The following SMOC1 variants were observed in gnomAD, a reference collection of about 807,000 sequenced individuals.
SMOC1 encodes SPARC-related modular calcium-binding protein 1.
In SMOC1, 22 loss-of-function variants were observed where a neutral mutation model predicts 56.3. The observed-to-expected ratio is 0.39, with a 90% CI of 0.28 to 0.56. The LOEUF is 0.56. Among genes scored for constraint, SMOC1 ranks in the 20% least tolerant of loss-of-function variants. The pLI is 0.61. For missense variants in SMOC1, 509 were observed against 565.4 expected, an observed-to-expected ratio of 0.90 and a Z score of 1.01; for synonymous variants, 193 against 215.0, an observed-to-expected ratio of 0.90 and a Z score of 0.89.
chr14:70,020,620 C>T (rs545814800), intron 10 of SMOC1, among the ~76,000 whole-genome samples: 7 of 152,242 alleles, frequency 4.6e-5, no homozygotes, highest in Admixed American at 3.9e-4. Flanking sequence ...GAATGCTGCA[C>T]ATCTCAGCCC....
At chr14:69,983,654 C>G (rs1380433) in intron 5 of SMOC1, among the ~76,000 whole-genome samples, 14,434 of 152,258 alleles carry the variant, frequency 0.095, 1,335 homozygotes, top group African/African-American at 0.24. Flanking sequence ...AAGCCCTCTG[C>G]CAGGTTCCTG....
intron 1 of SMOC1, among the ~76,000 whole-genome samples, chr14:69,890,912 C>T (rs1265891918): frequency 2.0e-5 from 3 of 152,062 alleles, no homozygotes; most frequent in African/African-American, 2.4e-5. Context: ...GAGATAAGTT[C>T]GAGACTGTTC....
intron 1 of SMOC1, among the ~76,000 whole-genome samples, chr14:69,933,207 G>A (rs552373250): frequency 1.5e-4 from 23 of 152,244 alleles, no homozygotes; most frequent in Middle Eastern, 6.8e-3. Context: ...GGCCCTTCTG[G>A]GAAAGGTCTA....
intron 1 of SMOC1, among the ~76,000 whole-genome samples, chr14:69,947,901 C>T (rs1284009040): frequency 6.6e-6 from 1 of 152,194 alleles, no homozygotes; most frequent in African/African-American, 2.4e-5. Context: ...GGCTTCGGAG[C>T]GTTCCAGAGT....
chr14:69,948,232 G>T (rs1164741571), intron 1 of SMOC1, among the ~76,000 whole-genome samples: 7 of 152,142 alleles, frequency 4.6e-5, no homozygotes, highest in Admixed American at 4.6e-4. Context: ...CTCACTTTTT[G>T]TGTGTGTGAA....
chr14:69,985,814 T>C (rs1039965107), intron 5 of SMOC1, among the ~76,000 whole-genome samples: 2 of 152,020 alleles, frequency 1.3e-5, no homozygotes, highest in Admixed American at 6.6e-5. Flanking sequence ...TTCTGAGAGA[T>C]AGACAATATT....
At chr14:69,980,788 G>A (rs1884150587) in intron 5 of SMOC1, among the ~76,000 whole-genome samples, 2 of 152,194 alleles carry the variant, frequency 1.3e-5, no homozygotes, top group Admixed American at 6.5e-5. Context: ...GAGGTGCTGG[G>A]TCTGCACCCT....
In SMOC1 at chr14:69,925,135, G is replaced by A. The variant is rs1307904609; in HGVS notation, c.100-27003G>A. 3.5e-3 allele frequency among the ~76,000 whole-genome samples: 107 copies of A among 30,160 alleles called. 40 individuals are homozygous for A. The highest frequency in any genetic ancestry group is 0.017 in the East Asian group (11 of 638). The allele number at this position is 30,160 out of a possible 152,430, so 19.8% of individuals were successfully genotyped here. ...GGGGAGAGGAGCTAGAGAAGGAGGG[G>A]AGGTAGGGGAGGAGTGAGAGTAGGG... On this transcript the variant is annotated intron_variant, in intron 1 of 11. Coordinates refer to ENST00000361956, the MANE Select transcript of SMOC1 (RefSeq NM_001034852.3).
intron 1 of SMOC1, chr14:69,885,962 T>A (rs535814776): frequency 2.4e-5 from 38 of 1,587,284 alleles, no homozygotes; most frequent in Middle Eastern, 4.2e-4. Flanking sequence ...CAACCTGATA[T>A]AGCGGGGCCA....
intron 1 of SMOC1, among the ~76,000 whole-genome samples, chr14:69,915,253 C>T (rs543121257): frequency 2.5e-4 from 38 of 152,326 alleles, no homozygotes; most frequent in Middle Eastern, 3.4e-3. Flanking sequence ...CTGAGAAATC[C>T]AGGCAATGGA....
Position 69,903,771 on chromosome 14 carries a change from G to T in SMOC1, c.99+23994G>T, listed in dbSNP as rs538799827. Among the ~76,000 whole-genome samples the T allele has an allele frequency of 5.9e-5, 9 of 152,084 alleles. No homozygotes were observed. The East Asian group carries it at 9.7e-4, about 16-fold the overall frequency. ...CCCAGGGACACAAACACTGCGGAAG[G>T]CCCCAGGGTCCTCTGCCTAGGAAAA... On this transcript the variant is annotated intron_variant, in intron 1 of 11. Coordinates refer to ENST00000361956, the MANE Select transcript of SMOC1 (RefSeq NM_001034852.3).
At position 69,947,896 on chromosome 14, in the gene SMOC1, C is replaced by T. The variant is rs547909924; in HGVS notation, c.100-4242C>T. ...GAAGTTCTTTTGAACTGTGTGGCTT[C>T]GGAGCGTTCCAGAGTCTCTAGGATT... On this transcript the variant is annotated intron_variant, in intron 1 of 11. Transcript: ENST00000361956. Among the ~76,000 whole-genome samples the T allele has an allele frequency of 1.9e-4, 29 of 152,302 alleles. 2 individuals are homozygous for T. In the South Asian group the frequency reaches 4.2e-3, roughly 22 times the overall value.
chr14:69,948,866 T>C (rs1267140916), intron 1 of SMOC1, among the ~76,000 whole-genome samples: 1 of 152,180 alleles, frequency 6.6e-6, no homozygotes, highest in African/African-American at 2.4e-5. Flanking sequence ...TAGGCAACGT[T>C]TCCAAGGTTA....
chr14:69,941,449 C>T (rs1209979440), intron 1 of SMOC1, among the ~76,000 whole-genome samples: 2 of 152,142 alleles, frequency 1.3e-5, no homozygotes, highest in Non-Finnish European at 2.9e-5. Context: ...ACAGTGTGGC[C>T]ACACTTATTA....
At chr14:69,896,379 C>T (rs540777141) in intron 1 of SMOC1, among the ~76,000 whole-genome samples, 7 of 152,244 alleles carry the variant, frequency 4.6e-5, no homozygotes, top group South Asian at 2.1e-4. Flanking sequence ...TGTGTGTTCT[C>T]GGGCAAATGA....
intron 7 of SMOC1, among the ~76,000 whole-genome samples, chr14:69,998,059 G>A (rs924645294): frequency 9.2e-5 from 14 of 152,162 alleles, no homozygotes; most frequent in Non-Finnish European, 1.2e-4. Flanking sequence ...GTTCCACTGG[G>A]CAGCTGAAGT....
chr14:69,885,529 G>A, intron 1 of SMOC1: 1 of 1,598,384 alleles, frequency 6.3e-7, no homozygotes, highest in Admixed American at 1.7e-5. Context: ...TCACCTGTGT[G>A]AAGGCGACAG....
chr14:70,008,397 T>C (rs1379359624), intron 7 of SMOC1, among the ~76,000 whole-genome samples: 1 of 152,180 alleles, frequency 6.6e-6, no homozygotes, highest in African/African-American at 2.4e-5. Context: ...CCTCAGCCTT[T>C]CCAAATGCTG....
chr14:69,881,872 T>A (rs1031628124), intron 1 of SMOC1, among the ~76,000 whole-genome samples: 2 of 152,184 alleles, frequency 1.3e-5, no homozygotes, highest in East Asian at 3.9e-4. Flanking sequence ...TTAAAAGCCA[T>A]TTTACAGATG....
Sources: gnomAD v4.1 joint callset for allele counts (sites outside exome capture counted in the v4.1 genomes callset) on GRCh38, gnomAD v4.1.1 for gene constraint, MANE v1.5 for transcripts, NCBI Gene and HGNC (gene_info 2026-07-23, HGNC 2026-07-21) for gene names.